Variants in GAB2 observed in about 807,000 individuals in gnomAD.
The protein encoded by GAB2 is GRB2-associated-binding protein 2.
In GAB2, 26 loss-of-function variants were observed where a neutral mutation model predicts 65.5. The observed-to-expected ratio is 0.40, with a 90% CI of 0.29 to 0.55. GAB2 has a LOEUF of 0.55. Ranked by LOEUF, GAB2 falls within the 20% of genes least tolerant of loss-of-function variation. GAB2 has a pLI of 0.53. For missense variants in GAB2, 884 were observed against 875.8 expected, an observed-to-expected ratio of 1.01 and a Z score of -0.12; for synonymous variants, 321 against 329.6, an observed-to-expected ratio of 0.97 and a Z score of 0.28.
intron 3 of GAB2, among the ~76,000 whole-genome samples, chr11:78,242,049 G>C (rs1370305120): frequency 6.6e-6 from 1 of 152,194 alleles, no homozygotes; most frequent in East Asian, 1.9e-4. Flanking sequence ...GTTAGGCCAA[G>C]AGATTTTAAA....
intron 1 of GAB2, among the ~76,000 whole-genome samples, chr11:78,317,343 G>A (rs1356168509): frequency 1.3e-5 from 2 of 152,056 alleles, no homozygotes; most frequent in Non-Finnish European, 2.9e-5. Context: ...TGGACAGATC[G>A]TAAGTTAAGA....
chr11:78,417,247 C>A (rs867243238), intron 1 of GAB2, among the ~76,000 whole-genome samples: 1 of 152,020 alleles, frequency 6.6e-6, no homozygotes, highest in African/African-American at 2.4e-5. Flanking sequence ...CCTACGCCCC[C>A]CTTTCCCGCC....
At chr11:78,220,972 T>TC (rs1864393563) in intron 8 of GAB2, among the ~76,000 whole-genome samples, 1 of 152,092 alleles carries the variant, frequency 6.6e-6, no homozygotes, top group African/African-American at 2.4e-5. Context: ...AGCAGCTTGC[T>TC]CCCCCGCCTA....
chr11:78,250,129 C>A (rs775309737), intron 3 of GAB2, 28 bp downstream of exon 3: 1 of 1,610,094 alleles, frequency 6.2e-7, no homozygotes. Context: ...GGTCACTAAC[C>A]CACCTAATGG....
intron 1 of GAB2, among the ~76,000 whole-genome samples, chr11:78,413,715 T>C (rs1857157880): frequency 6.6e-6 from 1 of 152,120 alleles, no homozygotes; most frequent in Admixed American, 6.5e-5. Flanking sequence ...GGAGAAGATA[T>C]GATTCAAAGT....
intron 2 of GAB2, 64 bp downstream of exon 2, chr11:78,280,537 G>T: frequency 1.6e-6 from 2 of 1,286,226 alleles, no homozygotes; most frequent in Non-Finnish European, 2.2e-6. Flanking sequence ...TGCTCTCAAT[G>T]CTCCAGGAAT....
chr11:78,276,783 A>G (rs1866182852), intron 2 of GAB2, among the ~76,000 whole-genome samples: 1 of 152,100 alleles, frequency 6.6e-6, no homozygotes, highest in Admixed American at 6.6e-5. Context: ...TTCAGACAAT[A>G]TCTTTTAAAT....
At chr11:78,262,038 G>A (rs748886478) in intron 2 of GAB2, among the ~76,000 whole-genome samples, 4 of 152,144 alleles carry the variant, frequency 2.6e-5, no homozygotes, top group Non-Finnish European at 4.4e-5. Context: ...AAACAGAAGC[G>A]TCAGACTTAT....
intron 1 of GAB2, among the ~76,000 whole-genome samples, chr11:78,347,393 T>C (rs574381436): frequency 6.6e-6 from 1 of 152,070 alleles, no homozygotes; most frequent in East Asian, 1.9e-4. Context: ...TTGAAAACAA[T>C]GCCAACATAA....
At chr11:78,225,958 A>C (rs1193693181) in intron 4 of GAB2, among the ~76,000 whole-genome samples, 1 of 152,242 alleles carries the variant, frequency 6.6e-6, no homozygotes, top group Non-Finnish European at 1.5e-5. Flanking sequence ...CTCTCAGTGG[A>C]AAACAAGTAA....
intron 1 of GAB2, among the ~76,000 whole-genome samples, chr11:78,403,044 C>A (rs566756444): frequency 4.3e-4 from 66 of 152,290 alleles, no homozygotes; most frequent in African/African-American, 1.6e-3. Flanking sequence ...AAGACATTGT[C>A]TATGAGGAAG....
intron 1 of GAB2, among the ~76,000 whole-genome samples, chr11:78,294,626 C>G (rs1423009488): frequency 6.6e-6 from 1 of 152,102 alleles, no homozygotes; most frequent in Non-Finnish European, 1.5e-5. Flanking sequence ...CTGACAAAAA[C>G]AAGAAATGGG....
At position 78,226,965 on chromosome 11, in the gene GAB2, T is replaced by A; in HGVS notation, c.707A>T (p.His236Leu). 6.2e-7 allele frequency: 1 copy of A among 1,613,504 alleles called. No individual in the cohort carries two copies. The highest frequency in any genetic ancestry group is 8.5e-7 in the Non-Finnish European group (1 of 1,179,524). The change falls in exon 4 of 10, where the codon CAC becomes CTC. Residue 236 changes from histidine to leucine, a missense_variant. Coordinates refer to ENST00000361507, the MANE Select transcript of GAB2 (RefSeq NM_080491.3). ...TTGACCACTGATCCCGTTGACACAG[T>A]GTCCATTGCCCTGGGCAAGTTTTTG... The part of the protein sequence containing the change: ...AVQKLAQGNG[H>L]CVNGISGQVH...
At chr11:78,313,101 C>G (rs1268183619) in intron 1 of GAB2, among the ~76,000 whole-genome samples, 1 of 152,130 alleles carries the variant, frequency 6.6e-6, no homozygotes, top group Non-Finnish European at 1.5e-5. Flanking sequence ...GGCTAAGATT[C>G]ATGAAGAAGG....
At chr11:78,257,590 G>C (rs1479625648) in intron 2 of GAB2, among the ~76,000 whole-genome samples, 1 of 152,182 alleles carries the variant, frequency 6.6e-6, no homozygotes, top group Non-Finnish European at 1.5e-5. Flanking sequence ...AGCTGGTTGA[G>C]ACCTTGAGAT....
At chr11:78,229,179 A>G (rs912232589) in intron 3 of GAB2, among the ~76,000 whole-genome samples, 1 of 152,186 alleles carries the variant, frequency 6.6e-6, no homozygotes, top group Non-Finnish European at 1.5e-5. Context: ...AGCCTCCTTC[A>G]GAGATGTTTT....
chr11:78,336,206 G>A (rs541139539), intron 1 of GAB2, among the ~76,000 whole-genome samples: 2 of 151,374 alleles, frequency 1.3e-5, no homozygotes, highest in East Asian at 3.9e-4. Context: ...CCCAGCTACT[G>A]AGGAGGCTGA....
At chr11:78,305,569 G>A (rs1855338457) in intron 1 of GAB2, among the ~76,000 whole-genome samples, 1 of 152,162 alleles carries the variant, frequency 6.6e-6, no homozygotes, top group Non-Finnish European at 1.5e-5. Context: ...GCCTCTTTGT[G>A]TGGAGGTAAG....
intron 1 of GAB2, among the ~76,000 whole-genome samples, chr11:78,291,522 T>C (rs1866672842): frequency 6.9e-6 from 1 of 144,720 alleles, no homozygotes; most frequent in Non-Finnish European, 1.5e-5. Flanking sequence ...ACCTAAGGTC[T>C]ATTCTCCCCT....
Sources: allele counts gnomAD v4.1 joint callset (sites outside exome capture counted in the v4.1 genomes callset), GRCh38; gene constraint gnomAD v4.1.1; transcripts MANE v1.5; gene names NCBI Gene and HGNC (gene_info 2026-07-23, HGNC 2026-07-21).